The following PSMC1 variants were observed in gnomAD, a reference collection of about 807,000 sequenced individuals.
PSMC1 encodes proteasome 26S subunit, ATPase 1, also known as 26S proteasome regulatory subunit 4.
In PSMC1, 5 loss-of-function variants were observed where a neutral mutation model predicts 49.8. The observed-to-expected ratio is 0.10, with a 90% CI of 0.05 to 0.21. The LOEUF (loss-of-function observed/expected upper bound fraction) is 0.21. Among genes scored for constraint, PSMC1 ranks in the 10% least tolerant of loss-of-function variants. The probability of loss-of-function intolerance (pLI) is 1.00; values close to 1 mark genes in which losing one functional copy is unlikely to be tolerated. For synonymous variants in PSMC1, 155 were observed against 192.1 expected, an observed-to-expected ratio of 0.81 and a Z score of 1.60; for missense variants, 181 against 535.7, an observed-to-expected ratio of 0.34 and a Z score of 6.54.
chr14:90,259,193 G>C lies in PSMC1; in HGVS notation c.37G>C (p.Gly13Arg). The C allele has an allele frequency of 6.2e-7, 1 of 1,613,882 alleles. No homozygotes were observed. The highest frequency in any genetic ancestry group is 8.5e-7 in the Non-Finnish European group (1 of 1,179,856). ...QSQSGGHGPG[G>R]GKKDDKDKKK... ...TCAGAGTGGTGGTCATGGTCCTGGA[G>C]GTGGCAAGAAGGATGACAAGGTAAA... The change falls in exon 2 of 11, where the codon GGT becomes CGT. Residue 13 changes from glycine to arginine, a missense_variant. This residue lies in a region of PSMC1 where 121 missense variants were observed against 358.6 expected (regional missense o/e 0.34). Coordinates refer to ENST00000261303, the MANE Select transcript of PSMC1 (RefSeq NM_002802.3).
intron 9 of PSMC1, chr14:90,269,900 C>T: frequency 5.3e-6 from 2 of 379,426 alleles, no homozygotes; most frequent in Non-Finnish European, 4.7e-6. Flanking sequence ...GATTTGTTTG[C>T]TGTCTTTTGT....
Position 90,269,489 on chromosome 14 carries a change from T to G in PSMC1, c.974T>G (p.Val325Gly). 1 of 1,613,966 alleles carries G rather than the reference T, an allele frequency of 6.2e-7. No homozygotes were observed. Among genetic ancestry groups the G allele is most frequent in the Non-Finnish European group, 8.5e-7 (1 of 1,179,942 alleles). The change falls in exon 9 of 11, where the codon GTG (valine) becomes GGG (glycine). Residue 325 changes from valine (V) to glycine (G), a missense_variant. By Grantham distance (109) the Val-to-Gly change is moderately radical (BLOSUM62 -3). Coordinates refer to ENST00000261303, the MANE Select transcript of PSMC1 (RefSeq NM_002802.3). ...QLDGFDSRGD[V>G]KVIMATNRIE... Reference sequence around the variant, plus strand: ...GATGGATTTGATTCTAGGGGAGATGTGAAAGTTATCATGGCCACAAACCGA... The same window carrying G: ...GATGGATTTGATTCTAGGGGAGATGGGAAAGTTATCATGGCCACAAACCGA...
At chr14:90,264,942 C>T in intron 6 of PSMC1, 128 bp from the exon 7 acceptor site, 1 of 731,862 alleles carries the variant, frequency 1.4e-6, no homozygotes, top group Non-Finnish European at 2.3e-6. Flanking sequence ...AAATCAAGCA[C>T]ATTGTCTCTA....
In PSMC1 at chr14:90,260,141, T is replaced by C; in HGVS notation, c.84T>C (p.Pro28=). 1.9e-6 allele frequency: 3 copies of C among 1,607,376 alleles called. No homozygotes were observed. Among genetic ancestry groups the C allele is most frequent in the Non-Finnish European group, 2.5e-6 (3 of 1,178,276 alleles). Residue 28 remains proline, a synonymous_variant, in exon 3 of 11, where the codon CCT becomes CCC. Transcript: ENST00000261303. ...DKDKKKKYEP[P]VPTRVGKKKK... is the part of the protein sequence containing the mutation. Reference sequence around the variant, plus strand: ...ACAAGAAAAAGAAATATGAACCTCCTGTACCAACTAGAGTGGGGAAAAAGA... The same window carrying C: ...ACAAGAAAAAGAAATATGAACCTCCCGTACCAACTAGAGTGGGGAAAAAGA...
intron 6 of PSMC1, 145 bp from the exon 7 acceptor site, chr14:90,264,925 C>CTAATAGA: frequency 1.5e-6 from 1 of 684,328 alleles, no homozygotes; most frequent in Non-Finnish European, 2.5e-6. Flanking sequence ...GTCTTTGCTG[C>CTAATAGA]TAATAGAAAT....
intron 7 of PSMC1, among the ~76,000 whole-genome samples, chr14:90,265,900 G>T (rs984000362): frequency 1.3e-5 from 2 of 151,788 alleles, no homozygotes; most frequent in Non-Finnish European, 2.9e-5. Flanking sequence ...CTTCCTCAAA[G>T]ATTTTGATCT....
chr14:90,272,149 C>T lies in PSMC1; in HGVS notation c.1189-124C>T. ...CCTTAGGCGATCCACCTGCCTCGGC[C>T]TCCCAGAGTGCTGGGATTACAGGTG... On this transcript the variant is annotated intron_variant, in intron 10 of 10. Transcript: ENST00000261303. The surrounding 1 kb of genome is among the most constrained non-coding windows in gnomAD (Gnocchi z 4.5). 2.8e-6 allele frequency: 3 copies of T among 1,061,808 alleles called. No homozygotes were observed. The highest frequency in any genetic ancestry group is 4.0e-6 in the Non-Finnish European group (3 of 741,282). The allele number at this position is 1,061,808 out of a possible 1,614,324, so 65.8% of individuals were successfully genotyped here.
At chr14:90,269,266 G>A (rs1413853365) in intron 8 of PSMC1, 131 bp from the exon 9 acceptor site, 2 of 751,884 alleles carry the variant, frequency 2.7e-6, no homozygotes, top group Middle Eastern at 4.0e-4. Context: ...GAGCATAATT[G>A]AGGGAGTGCC....
intron 7 of PSMC1, chr14:90,267,541 G>A (rs1891549529): frequency 1.3e-5 from 2 of 152,266 alleles, no homozygotes; most frequent in South Asian, 4.1e-4. Flanking sequence ...CCTGAGATCA[G>A]TGGGAGGAAC....
In PSMC1 at chr14:90,265,151, G is replaced by T. The variant is rs767819865; in HGVS notation, c.676G>T (p.Gly226Cys). 6.2e-7 allele frequency: 1 copy of T among 1,611,302 alleles called. No homozygotes were observed. The change falls in exon 7 of 11, where the codon GGT becomes TGT. Residue 226 changes from glycine (G) to cysteine (C), a missense_variant. Coordinates refer to ENST00000261303, the MANE Select transcript of PSMC1 (RefSeq NM_002802.3). ...GCCTCCTAAGGGGGTCATTCTCTAT[G>T]GTCCACCTGGCACAGGTATGCTCTG... ...IKPPKGVILY[G>C]PPGTGKTLLA...
rs1187199740 is a variant in PSMC1, at chr14:90,272,546, A to C, written c.*139A>C. ...AACATCCTGTGTCTTTTGGAGTACG[A>C]TGTGTAAGTGCCCATTGGGTGGCCT... On this transcript the variant is annotated 3_prime_UTR_variant, in exon 11 of 11. Transcript: ENST00000261303. The surrounding 1 kb of genome is among the most constrained non-coding windows in gnomAD (Gnocchi z 4.5). 1 of 599,250 alleles carries C rather than the reference A, an allele frequency of 1.7e-6. No homozygotes were observed. The highest frequency in any genetic ancestry group is 3.0e-6 in the Non-Finnish European group (1 of 335,954). 37.1% of individuals were successfully genotyped at this position (599,250 alleles called of 1,614,324 possible). A position where few individuals can be genotyped will look rare whatever the true frequency, so the allele number is the denominator to read the frequency against.
At chr14:90,262,542 T>C (rs1165148397) in intron 3 of PSMC1, among the ~76,000 whole-genome samples, 1 of 152,118 alleles carries the variant, frequency 6.6e-6, no homozygotes, top group Non-Finnish European at 1.5e-5. Flanking sequence ...CCCAGCACTT[T>C]GGGAGGCTGA....
intron 9 of PSMC1, chr14:90,269,979 T>C (rs1595046048): frequency 5.6e-6 from 3 of 535,662 alleles, no homozygotes; most frequent in Non-Finnish European, 9.7e-6. Context: ...TTTCTGAAGG[T>C]ACCAAAGCAG....
At chr14:90,256,765 T>G (rs6575119) in intron 1 of PSMC1, among the ~76,000 whole-genome samples, 165 bp downstream of exon 1, 152,281 of 152,294 alleles carry the variant, frequency 1, 76,134 homozygotes, top group Non-Finnish European at 1. Context: ...ACCGCGCTCA[T>G]GTCCACCGCG....
chr14:90,274,655 T>C lies in PSMC1; in HGVS notation c.*2248T>C, dbSNP rs1170648723. On this transcript the variant is annotated 3_prime_UTR_variant, in exon 11 of 11. Coordinates refer to ENST00000261303, the MANE Select transcript of PSMC1 (RefSeq NM_002802.3). ...AGAAAGCAAGGGAGTGCTCAAGGAA[T>C]GATAAGGACATGTCCTAAGGACACC... 1 of 152,146 alleles carries C rather than the reference T, an allele frequency of 6.6e-6. No individual in the cohort carries two copies. The highest frequency in any genetic ancestry group is 1.5e-5 in the Non-Finnish European group (1 of 68,050). The allele number at this position is 152,146 out of a possible 1,614,324, so 9.4% of individuals were successfully genotyped here.
At chr14:90,264,332 TAGGTGATAGA>T (rs1174315942) in intron 6 of PSMC1, among the ~76,000 whole-genome samples, 163 bp downstream of exon 6, 3 of 152,220 alleles carry the variant, frequency 2.0e-5, no homozygotes, top group Non-Finnish European at 4.4e-5. Context: ...AATACTGAGT[TAGGTGATAGA>T]AATAACAGTC....
chr14:90,274,823 CACACACACACA>C lies in PSMC1; in HGVS notation c.*2417_*2427del, dbSNP rs1199203331. The C allele has an allele frequency of 2.2e-5, 2 of 90,998 alleles. No individual in the cohort carries two copies. The highest frequency in any genetic ancestry group is 2.3e-4 in the Admixed American group (2 of 8,860). 5.6% of individuals were successfully genotyped at this position (90,998 alleles called of 1,614,324 possible). ...ACACACACACACACACACACACACA[CACACACACACA>C]CACACCCCAATACATATGAATTGAT... On this transcript the variant is annotated 3_prime_UTR_variant, in exon 11 of 11. Coordinates refer to ENST00000261303, the MANE Select transcript of PSMC1 (RefSeq NM_002802.3).
chr14:90,256,757 C>A (rs886151221), intron 1 of PSMC1, among the ~76,000 whole-genome samples, 157 bp downstream of exon 1: 3 of 152,202 alleles, frequency 2.0e-5, no homozygotes, highest in Admixed American at 1.3e-4. Context: ...TCCCAGAGAC[C>A]GCGCTCATGT....
chr14:90,264,262 T>C (rs958499628), intron 6 of PSMC1, 93 bp downstream of exon 6: 16 of 1,542,242 alleles, frequency 1.0e-5, no homozygotes, highest in Non-Finnish European at 1.4e-5. Flanking sequence ...GTTTGCTTAT[T>C]TATTAATCAA....
Sources: gnomAD v4.1 joint callset for allele counts (sites outside exome capture counted in the v4.1 genomes callset) on GRCh38, gnomAD v4.1.1 for gene constraint, gnomAD v4.1.1 regional missense constraint, Gnocchi (gnomAD v3.1) non-coding constraint, MANE v1.5 for transcripts, NCBI Gene and HGNC (gene_info 2026-07-23, HGNC 2026-07-21) for gene names.